Variants in MEI4 observed in about 807,000 individuals in gnomAD.
The protein encoded by MEI4 is meiotic double-stranded break formation protein 4.
In MEI4, 27 loss-of-function variants were observed where a neutral mutation model predicts 31.4. That is an observed-to-expected ratio of 0.86 (90% CI 0.63 to 1.19). The LOEUF is 1.19. Ranked by LOEUF, MEI4 falls within the 50% of genes most tolerant of loss-of-function variation. MEI4 has a pLI of 0.00. For synonymous variants in MEI4, 122 were observed against 145.4 expected, an observed-to-expected ratio of 0.84 and a Z score of 1.16; for missense variants, 329 against 398.9, an observed-to-expected ratio of 0.82 and a Z score of 1.49.
intron 1 of MEI4, among the ~76,000 whole-genome samples, chr6:77,659,224 C>T (rs1005407135): frequency 4.6e-5 from 7 of 151,876 alleles, no homozygotes; most frequent in African/African-American, 1.5e-4. Flanking sequence ...TCTTTTTTGT[C>T]GTGTCGGTGT....
chr6:77,671,054 G>GTTTTTTTTTTT (rs35429284), intron 1 of MEI4, among the ~76,000 whole-genome samples: 2 of 110,448 alleles, frequency 1.8e-5, no homozygotes, highest in East Asian at 2.8e-4. Flanking sequence ...GTGAATTGTT[G>GTTTTTTTTTTT]TTTTTTTTTT....
intron 2 of MEI4, among the ~76,000 whole-genome samples, chr6:77,735,631 G>C (rs1483780708): frequency 6.6e-6 from 1 of 152,028 alleles, no homozygotes; most frequent in African/African-American, 2.4e-5. Flanking sequence ...TCTTCTCTTA[G>C]CTTGTCAAAG....
At chr6:77,736,341 G>T (rs187125942) in intron 2 of MEI4, among the ~76,000 whole-genome samples, 5 of 151,892 alleles carry the variant, frequency 3.3e-5, no homozygotes, top group Non-Finnish European at 7.4e-5. Context: ...CTCCTGGTGC[G>T]CCGTTTTTAA....
intron 4 of MEI4, among the ~76,000 whole-genome samples, chr6:77,849,437 T>C (rs1770562341): frequency 6.6e-6 from 1 of 152,176 alleles, no homozygotes; most frequent in Admixed American, 6.6e-5. Flanking sequence ...AGGGGTGAAC[T>C]GACAGGAGCA....
chr6:77,708,106 T>C (rs1310647357), intron 2 of MEI4, among the ~76,000 whole-genome samples: 1 of 152,158 alleles, frequency 6.6e-6, no homozygotes, highest in African/African-American at 2.4e-5. Context: ...TCCTCCAGAT[T>C]TGAGAATGTT....
intron 3 of MEI4, among the ~76,000 whole-genome samples, chr6:77,819,549 A>C (rs985559092): frequency 2.0e-5 from 3 of 152,158 alleles, no homozygotes; most frequent in Admixed American, 6.5e-5. Flanking sequence ...TAACATCCCT[A>C]AGTGATACCC....
At chr6:77,685,087 T>A (rs1769029874) in intron 1 of MEI4, among the ~76,000 whole-genome samples, 1 of 152,198 alleles carries the variant, frequency 6.6e-6, no homozygotes, top group Non-Finnish European at 1.5e-5. Flanking sequence ...TTGATTTGCG[T>A]TTCTCTGATA....
chr6:77,712,050 A>G (rs1766476945), intron 2 of MEI4, among the ~76,000 whole-genome samples: 2 of 152,290 alleles, frequency 1.3e-5, no homozygotes, highest in South Asian at 4.1e-4. Context: ...ATGACTTCTT[A>G]TATAAGCTGG....
intron 3 of MEI4, among the ~76,000 whole-genome samples, chr6:77,806,523 A>G (rs969527186): frequency 2.0e-5 from 3 of 152,144 alleles, no homozygotes; most frequent in African/African-American, 7.2e-5. Flanking sequence ...TATAGAATAT[A>G]GGGAAAGTTT....
chr6:77,805,436 T>C (rs1005882074), intron 3 of MEI4, among the ~76,000 whole-genome samples: 5 of 152,266 alleles, frequency 3.3e-5, no homozygotes, highest in Admixed American at 2.6e-4. Context: ...ATTTGAAAAA[T>C]CTTTTATGTA....
rs191468622 is a variant in MEI4, at chr6:77,788,693, C to G, written c.768+27028C>G. On this transcript the variant is annotated intron_variant, in intron 3 of 4. Transcript: ENST00000684080. ...ATAAAATACCTAGGAATCCAACTTACAAGGTATGTGAAAGACCTCTTCAAG... is the reference window on the plus strand; with the variant it reads ...ATAAAATACCTAGGAATCCAACTTAGAAGGTATGTGAAAGACCTCTTCAAG... 6.6e-5 allele frequency among the ~76,000 whole-genome samples: 10 copies of G among 152,196 alleles called. No individual in the cohort carries two copies. In the East Asian group the frequency reaches 1.5e-3, roughly 24 times the overall value.
intron 2 of MEI4, among the ~76,000 whole-genome samples, chr6:77,758,516 G>T (rs1444673122): frequency 1.3e-5 from 2 of 152,098 alleles, no homozygotes; most frequent in African/African-American, 4.8e-5. Flanking sequence ...TTCTTTTTGT[G>T]CACTGTTCAA....
intron 2 of MEI4, among the ~76,000 whole-genome samples, chr6:77,724,673 C>T: frequency 6.7e-6 from 1 of 149,082 alleles, no homozygotes; most frequent in Non-Finnish European, 1.5e-5. Context: ...CTTTAACCTG[C>T]TTTTGAGGTT....
At chr6:77,854,328 T>TA (rs869047794) in intron 4 of MEI4, among the ~76,000 whole-genome samples, 1 of 45,440 alleles carries the variant, frequency 2.2e-5, no homozygotes, top group Non-Finnish European at 3.6e-5. Flanking sequence ...ATGTTTTTCT[T>TA]AAAAAAAACA....
chr6:77,915,069 ATGTG>A (rs1766514059), intron 4 of MEI4, among the ~76,000 whole-genome samples: 1 of 152,050 alleles, frequency 6.6e-6, no homozygotes, highest in African/African-American at 2.4e-5. Context: ...TGTTATTAAT[ATGTG>A]ATGGCTTATT....
At chr6:77,668,846 C>A (rs142994374) in intron 1 of MEI4, among the ~76,000 whole-genome samples, 1 of 152,150 alleles carries the variant, frequency 6.6e-6, no homozygotes, top group Non-Finnish European at 1.5e-5. Flanking sequence ...GAGCATCCCA[C>A]GGCAGAAGTA....
At chr6:77,879,914 G>A (rs1771437105) in intron 4 of MEI4, among the ~76,000 whole-genome samples, 2 of 152,160 alleles carry the variant, frequency 1.3e-5, no homozygotes, top group African/African-American at 4.8e-5. Flanking sequence ...AGAGAATAGA[G>A]AGACTGTTAC....
At chr6:77,789,001 C>T (rs1010212905) in intron 3 of MEI4, among the ~76,000 whole-genome samples, 3 of 152,160 alleles carry the variant, frequency 2.0e-5, no homozygotes, top group African/African-American at 7.2e-5. Context: ...TGACTTCAAA[C>T]TATACTACAA....
chr6:77,731,555 A>C (rs1441479774), intron 2 of MEI4, among the ~76,000 whole-genome samples: 1 of 151,386 alleles, frequency 6.6e-6, no homozygotes, highest in Non-Finnish European at 1.5e-5. Flanking sequence ...TAGGTTGTGA[A>C]AATTTTCTCC....
Sources: allele counts gnomAD v4.1 joint callset (sites outside exome capture counted in the v4.1 genomes callset), GRCh38; gene constraint gnomAD v4.1.1; transcripts MANE v1.5; gene names NCBI Gene and HGNC (gene_info 2026-07-23, HGNC 2026-07-21).